CYFIP2: variants seen among roughly 807,000 people sequenced by gnomAD.
The protein encoded by CYFIP2 is cytoplasmic FMR1-interacting protein 2.
Under a neutral mutation model 158.7 loss-of-function variants are expected in CYFIP2, and 29 were observed. The ratio of observed to expected loss-of-function variants is 0.18; its 90% confidence interval spans 0.14 to 0.25. CYFIP2 has a LOEUF of 0.25. Among genes scored for constraint, CYFIP2 ranks in the 10% least tolerant of loss-of-function variants. The pLI is 1.00. For missense variants in CYFIP2, 852 were observed against 1,639.5 expected, an observed-to-expected ratio of 0.52 and a Z score of 8.29; for synonymous variants, 585 against 617.6, an observed-to-expected ratio of 0.95 and a Z score of 0.78.
Position 157,314,477 on chromosome 5 carries a change from G to A in CYFIP2, c.1230+14G>A. 1 of 1,612,472 alleles carries A rather than the reference G, an allele frequency of 6.2e-7. No individual in the cohort carries two copies. The highest frequency in any genetic ancestry group is 1.3e-5 in the African/African-American group (1 of 74,988). On this transcript the variant is annotated intron_variant, in intron 12 of 30. Coordinates refer to ENST00000620254, the MANE Select transcript of CYFIP2 (RefSeq NM_001037333.3). The stretch of plus-strand genomic sequence containing the variant: ...GTCATGGAGGTGGTAGGTGTCTCTG[G>A]GTAGAGGGCCTCACACTGACCTCTC...
At chr5:157,326,855 G>T (rs984271462) in intron 18 of CYFIP2, among the ~76,000 whole-genome samples, 4 of 152,192 alleles carry the variant, frequency 2.6e-5, no homozygotes, top group Non-Finnish European at 2.9e-5. Context: ...TAAACACAGC[G>T]CTGGGGTTTT....
chr5:157,370,524 C>G (rs1461810520), intron 26 of CYFIP2, among the ~76,000 whole-genome samples: 1 of 152,216 alleles, frequency 6.6e-6, no homozygotes, highest in East Asian at 1.9e-4. Context: ...CCTACTCCCT[C>G]TTTGATAAAA....
intron 24 of CYFIP2, 111 bp downstream of exon 24, chr5:157,359,259 C>G: frequency 1.6e-6 from 2 of 1,274,438 alleles, no homozygotes; most frequent in Non-Finnish European, 2.2e-6. Context: ...GGCACTGCAG[C>G]TCTACCTGTA....
chr5:157,323,801 T>C (rs886370615), intron 15 of CYFIP2, 120 bp from the exon 16 acceptor site: 2 of 1,206,094 alleles, frequency 1.7e-6, no homozygotes, highest in African/African-American at 1.5e-5. Flanking sequence ...CTTAGGACAG[T>C]GCTTTTTAAG....
At chr5:157,390,353 A>G (rs1201093005) in intron 29 of CYFIP2, among the ~76,000 whole-genome samples, 168 bp from the exon 30 acceptor site, 2 of 152,120 alleles carry the variant, frequency 1.3e-5, no homozygotes, top group Non-Finnish European at 2.9e-5. Context: ...CCTGCAACTA[A>G]TGAACCCACC....
intron 13 of CYFIP2, among the ~76,000 whole-genome samples, chr5:157,317,157 C>T (rs942156883): frequency 3.9e-5 from 6 of 152,052 alleles, no homozygotes; most frequent in Non-Finnish European, 8.8e-5. Context: ...CTTCACCTTC[C>T]CACAACCTTA....
At chr5:157,269,800 T>C (rs1755930839) in intron 1 of CYFIP2, among the ~76,000 whole-genome samples, 1 of 152,222 alleles carries the variant, frequency 6.6e-6, no homozygotes, top group African/African-American at 2.4e-5. Context: ...ACAGATTCTG[T>C]CAAGGCCCCT....
At chr5:157,346,585 G>A (rs1355070477) in intron 23 of CYFIP2, among the ~76,000 whole-genome samples, 1 of 152,192 alleles carries the variant, frequency 6.6e-6, no homozygotes, top group African/African-American at 2.4e-5. Context: ...CTCCCCTAGA[G>A]CCTTGGAGAG....
intron 15 of CYFIP2, among the ~76,000 whole-genome samples, chr5:157,321,889 G>T (rs780923050): frequency 7.9e-5 from 12 of 152,202 alleles, no homozygotes; most frequent in Non-Finnish European, 1.8e-4. Flanking sequence ...TAATATCAAG[G>T]GTTGAGGTCC....
intron 17 of CYFIP2, 176 bp downstream of exon 17, chr5:157,325,814 A>T (rs1468191832): frequency 5.6e-6 from 4 of 719,278 alleles, no homozygotes; most frequent in Non-Finnish European, 8.5e-6. Context: ...TTGCAGATAA[A>T]TTCTGAAGTT....
At chr5:157,306,546 G>A (rs1203770881) in intron 8 of CYFIP2, among the ~76,000 whole-genome samples, 4 of 152,202 alleles carry the variant, frequency 2.6e-5, no homozygotes, top group Non-Finnish European at 4.4e-5. Context: ...CCACCGTGGA[G>A]CACTGTCTGC....
chr5:157,367,535 C>T (rs1581158559), intron 26 of CYFIP2, among the ~76,000 whole-genome samples: 1 of 152,212 alleles, frequency 6.6e-6, no homozygotes, highest in Non-Finnish European at 1.5e-5. Context: ...TAGCGTATTA[C>T]AGTACAGACA....
chr5:157,316,251 A>T (rs567026770), intron 13 of CYFIP2, among the ~76,000 whole-genome samples: 1 of 152,220 alleles, frequency 6.6e-6, no homozygotes, highest in African/African-American at 2.4e-5. Context: ...ATATGCATAT[A>T]CACATAAATG....
chr5:157,290,624 G>A (rs1164411229), intron 3 of CYFIP2, among the ~76,000 whole-genome samples: 1 of 152,186 alleles, frequency 6.6e-6, no homozygotes, highest in Non-Finnish European at 1.5e-5. Context: ...CATCTTGGGG[G>A]GACCATTATT....
In CYFIP2 at chr5:157,343,268, G is replaced by T. The variant is rs749398235; in HGVS notation, c.2673+2111G>T. The T allele has an allele frequency of 1.9e-6, 3 of 1,614,184 alleles. No individual in the cohort carries two copies. In the Admixed American group the frequency reaches 5.0e-5, roughly 27 times the overall value. On this transcript the variant is annotated intron_variant, in intron 23 of 30. Transcript: ENST00000620254. ...ACTCTTATCCAGGGTGTGGAACATG[G>T]TGCAGTAGTGCCTGTAAGGGAAGGC...
Position 157,325,625 on chromosome 5 carries a change from C to T in CYFIP2, c.1969C>T (p.Pro657Ser). 6.2e-7 allele frequency: 1 copy of T among 1,609,520 alleles called. No individual in the cohort carries two copies. The highest frequency in any genetic ancestry group is 8.5e-7 in the Non-Finnish European group (1 of 1,177,556). Residue 657 changes from proline to serine, a missense_variant, in exon 17 of 31, where the codon CCT becomes TCT. By Grantham distance (74) the Pro-to-Ser change is moderately conservative. Around this residue, in one of 8 missense-constraint regions of CYFIP2, gnomAD observed 167 missense variants for 343.3 expected, o/e 0.49. Coordinates refer to ENST00000620254, the MANE Select transcript of CYFIP2 (RefSeq NM_001037333.3). ...GGACCATATCCTGGAAACCAAAGAA[C>T]CTTCCATGATGGAGTAAGAGGCAGG... ...LTDHILETKE[P>S]SMMEYVLYPL...
At chr5:157,363,444 GA>G (rs1163575866) in intron 26 of CYFIP2, 5 of 152,512 alleles carry the variant, frequency 3.3e-5, no homozygotes, top group Admixed American at 3.3e-4. Flanking sequence ...GTAACAATCA[GA>G]GTGTGGTTGC....
intron 15 of CYFIP2, 23 bp downstream of exon 15, chr5:157,320,825 C>G: frequency 6.5e-7 from 1 of 1,531,222 alleles, no homozygotes; most frequent in Non-Finnish European, 8.8e-7. Flanking sequence ...AGGCACAGGC[C>G]AGCTGCGTTG....
At chr5:157,363,332 G>A (rs747105881) in intron 26 of CYFIP2, 3 of 152,262 alleles carry the variant, frequency 2.0e-5, no homozygotes, top group Non-Finnish European at 4.4e-5. Flanking sequence ...GGCGTGGCGA[G>A]CCTCTTCATT....
Sources: gnomAD v4.1 joint callset for allele counts (sites outside exome capture counted in the v4.1 genomes callset) on GRCh38, gnomAD v4.1.1 for gene constraint, gnomAD v4.1.1 regional missense constraint, MANE v1.5 for transcripts, NCBI Gene and HGNC (gene_info 2026-07-23, HGNC 2026-07-21) for gene names.